FAM53B: variants seen among roughly 807,000 people sequenced by gnomAD.
The protein encoded by FAM53B is family with sequence similarity 53 member B, also known as protein FAM53B.
A neutral mutation model predicts 32.7 loss-of-function variants in FAM53B; 12 were observed. The observed-to-expected ratio is 0.37, with a 90% CI of 0.24 to 0.59. The LOEUF (loss-of-function observed/expected upper bound fraction) is 0.59, where lower values mean the gene tolerates loss of function less well. Among genes scored for constraint, FAM53B ranks in the 20% least tolerant of loss-of-function variants. FAM53B has a pLI of 0.72. For synonymous variants in FAM53B, 234 were observed against 228.7 expected, an observed-to-expected ratio of 1.02 and a Z score of -0.21; for missense variants, 477 against 577.7, an observed-to-expected ratio of 0.83 and a Z score of 1.79.
chr10:124,706,597 A>C (rs1307199505), intron 2 of FAM53B, 39 bp downstream of exon 2: 3 of 1,613,816 alleles, frequency 1.9e-6, no homozygotes, highest in South Asian at 2.2e-5. Flanking sequence ...CAGGCCTCAG[A>C]AATGGTCATG....
intron 4 of FAM53B, among the ~76,000 whole-genome samples, chr10:124,656,471 AAACT>A (rs1256564505): frequency 1.3e-5 from 2 of 152,230 alleles, no homozygotes; most frequent in Non-Finnish European, 2.9e-5. Context: ...GAACAAAACC[AAACT>A]AATAGTAGGG....
chr10:124,719,082 C>A (rs1950053220), intron 1 of FAM53B, among the ~76,000 whole-genome samples: 1 of 151,884 alleles, frequency 6.6e-6, no homozygotes, highest in Non-Finnish European at 1.5e-5. Context: ...AGGAAGAAGA[C>A]GAAGAAAGGC....
At chr10:124,689,995 GACA>G (rs1285158895) in intron 3 of FAM53B, among the ~76,000 whole-genome samples, 1 of 152,194 alleles carries the variant, frequency 6.6e-6, no homozygotes, top group Non-Finnish European at 1.5e-5. Context: ...ACTCTGAAGG[GACA>G]ACAAGGTCAG....
At position 124,696,224 on chromosome 10, in the gene FAM53B, C is replaced by T. The variant is rs1486292008; in HGVS notation, c.79-12G>A. On this transcript the variant is annotated splice_polypyrimidine_tract_variant and intron_variant, in intron 2 of 4. Transcript: ENST00000337318. ...TTCTTTGGCGTGTGCTGAAAACAAC[C>T]AGAAAAGCTATTCACTCTTCAAATC... The T allele has an allele frequency of 6.2e-7, 1 of 1,613,096 alleles. No homozygotes were observed. Among genetic ancestry groups the T allele is most frequent in the Non-Finnish European group, 8.5e-7 (1 of 1,179,018 alleles).
At chr10:124,632,427 G>C (rs1248562740) in intron 4 of FAM53B, among the ~76,000 whole-genome samples, 1 of 152,250 alleles carries the variant, frequency 6.6e-6, no homozygotes, top group Non-Finnish European at 1.5e-5. Context: ...TTCTGGCGGG[G>C]GGCCGAGGCT....
chr10:124,707,964 GAAGA>G (rs1299374481), intron 1 of FAM53B: 3 of 152,146 alleles, frequency 2.0e-5, no homozygotes, highest in Non-Finnish European at 4.4e-5. Flanking sequence ...CCAAACAAAT[GAAGA>G]AAGAGTGCGG....
chr10:124,734,700 T>A (rs1016040664), intron 1 of FAM53B, among the ~76,000 whole-genome samples: 2 of 151,900 alleles, frequency 1.3e-5, no homozygotes, highest in Non-Finnish European at 2.9e-5. Context: ...ACAGCATGAG[T>A]CTTCACACTC....
Position 124,734,054 on chromosome 10 carries a change from C to A in FAM53B, c.-175+9959G>T, listed in dbSNP as rs557210090. Reference sequence around the variant, plus strand: ...TCAAGACTCAGGTCAGCTGTCACCCCCTCCAGGAAGCCTTCCCTGCCCTCC... The same window carrying A: ...TCAAGACTCAGGTCAGCTGTCACCCACTCCAGGAAGCCTTCCCTGCCCTCC... On this transcript the variant is annotated intron_variant, in intron 1 of 4. Coordinates refer to ENST00000337318, the MANE Select transcript of FAM53B (RefSeq NM_014661.4). 1.2e-3 allele frequency among the ~76,000 whole-genome samples: 185 copies of A among 152,334 alleles called. No homozygotes were observed. In the South Asian group the frequency reaches 0.019, roughly 16 times the overall value.
intron 1 of FAM53B, among the ~76,000 whole-genome samples, chr10:124,736,392 GGA>G (rs1465460355): frequency 6.6e-6 from 1 of 152,260 alleles, no homozygotes; most frequent in Non-Finnish European, 1.5e-5. Context: ...CACTCCTTCT[GGA>G]GACTCAAAAC....
intron 2 of FAM53B, among the ~76,000 whole-genome samples, chr10:124,703,404 T>C (rs1949929048): frequency 6.6e-6 from 1 of 152,236 alleles, no homozygotes; most frequent in African/African-American, 2.4e-5. Context: ...TCTCTTTTCT[T>C]TATAAATTAC....
chr10:124,628,884 C>T (rs1028793026), intron 4 of FAM53B, among the ~76,000 whole-genome samples: 7 of 152,254 alleles, frequency 4.6e-5, no homozygotes, highest in African/African-American at 1.4e-4. Flanking sequence ...GCGACTTCAG[C>T]TGAGCCCACC....
At chr10:124,721,239 T>C (rs925610521) in intron 1 of FAM53B, among the ~76,000 whole-genome samples, 2 of 152,214 alleles carry the variant, frequency 1.3e-5, no homozygotes, top group African/African-American at 4.8e-5. Context: ...ACAACCTTCA[T>C]GGGATGGGTG....
chr10:124,689,341 T>C (rs1316293843), intron 3 of FAM53B, among the ~76,000 whole-genome samples: 3 of 152,218 alleles, frequency 2.0e-5, no homozygotes, highest in Admixed American at 6.5e-5. Context: ...AAATGGACTT[T>C]AGAGCCTCTG....
At chr10:124,658,913 T>A (rs1422253791) in intron 4 of FAM53B, among the ~76,000 whole-genome samples, 2 of 152,216 alleles carry the variant, frequency 1.3e-5, no homozygotes, top group Admixed American at 1.3e-4. Flanking sequence ...CACAGACTGC[T>A]AGCCACACCA....
Position 124,623,544 on chromosome 10 carries a change from G to A in FAM53B, c.967C>T (p.Gln323Ter). 6.4e-7 allele frequency: 1 copy of A among 1,573,190 alleles called. No individual in the cohort carries two copies. The highest frequency in any genetic ancestry group is 8.6e-7 in the Non-Finnish European group (1 of 1,160,970). ...CTGACGTGGCGGGCGAAGGGGCTCT[G>A]GGGACCGCAGTCCTCTGTCCCTGCG... ...LSAGTEDCGP[Q>*]SPFARHVSNT... Residue 323 changes from glutamine (Q) to a stop codon, truncating the protein, a stop_gained, in exon 5 of 5, where the codon CAG becomes TAG. Coordinates refer to ENST00000337318, the MANE Select transcript of FAM53B (RefSeq NM_014661.4). LOFTEE classifies it high-confidence loss of function.
chr10:124,686,266 A>C (rs1257168527), intron 3 of FAM53B, among the ~76,000 whole-genome samples: 1 of 152,218 alleles, frequency 6.6e-6, no homozygotes, highest in Non-Finnish European at 1.5e-5. Flanking sequence ...TGAGGTAACT[A>C]CCAAAACCCA....
chr10:124,656,206 G>A (rs538583726), intron 4 of FAM53B, among the ~76,000 whole-genome samples: 46 of 152,360 alleles, frequency 3.0e-4, no homozygotes, highest in African/African-American at 1.0e-3. Context: ...TCTGGGAGGC[G>A]GACATACAAC....
intron 1 of FAM53B, among the ~76,000 whole-genome samples, chr10:124,717,994 T>C (rs1950047231): frequency 6.6e-6 from 1 of 152,056 alleles, no homozygotes; most frequent in African/African-American, 2.4e-5. Context: ...GGGAGAAGCA[T>C]TCCTGTTGGT....
At chr10:124,683,981 G>C (rs1398888621) in intron 3 of FAM53B, among the ~76,000 whole-genome samples, 1 of 152,274 alleles carries the variant, frequency 6.6e-6, no homozygotes, top group Non-Finnish European at 1.5e-5. Flanking sequence ...GGAGCCCAGA[G>C]AAAAAGCCGA....
Sources: gnomAD v4.1 joint callset for allele counts (sites outside exome capture counted in the v4.1 genomes callset) on GRCh38, gnomAD v4.1.1 for gene constraint, MANE v1.5 for transcripts, NCBI Gene and HGNC (gene_info 2026-07-23, HGNC 2026-07-21) for gene names.